Variants in CAPZA1 observed in about 807,000 individuals in gnomAD.
CAPZA1 encodes the protein capping actin protein of muscle Z-line subunit alpha 1, also known as F-actin-capping protein subunit alpha-1.
CAPZA1 carries 10 observed loss-of-function variants against 40.8 expected under a neutral mutation model. The ratio of observed to expected loss-of-function variants is 0.25; its 90% confidence interval spans 0.15 to 0.42. The LOEUF is 0.42. Ranked by LOEUF, CAPZA1 falls within the 10% of genes least tolerant of loss-of-function variation. The pLI is 1.00. For missense variants in CAPZA1, 277 were observed against 353.8 expected (o/e 0.78, Z 1.74); for synonymous variants, 98 against 115.0 (o/e 0.85, Z 0.95).
chr1:112,644,207 T>TTTTTC (rs1491078439), intron 1 of CAPZA1, among the ~76,000 whole-genome samples: 1 of 132,908 alleles, frequency 7.5e-6, no homozygotes, highest in Non-Finnish European at 1.6e-5. Context: ...TTTTTTTTTT[T>TTTTTC]TGAGACAGAG....
At chr1:112,627,790 G>A (rs1301450572) in intron 1 of CAPZA1, among the ~76,000 whole-genome samples, 2 of 151,824 alleles carry the variant, frequency 1.3e-5, no homozygotes, top group Non-Finnish European at 2.9e-5. Flanking sequence ...GAGAAACCCC[G>A]TCTCTACTAA....
intron 7 of CAPZA1, among the ~76,000 whole-genome samples, chr1:112,660,785 A>T (rs1312617973): frequency 6.6e-6 from 1 of 150,458 alleles, no homozygotes; most frequent in Non-Finnish European, 1.5e-5. Context: ...ACCTAATCGT[A>T]CCTGTATTAT....
intron 1 of CAPZA1, among the ~76,000 whole-genome samples, chr1:112,628,256 C>T (rs1670854334): frequency 6.6e-6 from 1 of 152,056 alleles, no homozygotes; most frequent in African/African-American, 2.4e-5. Flanking sequence ...AATAAGCCTC[C>T]CAATAATTAT....
intron 1 of CAPZA1, among the ~76,000 whole-genome samples, chr1:112,629,776 T>C (rs1670885186): frequency 1.3e-5 from 2 of 152,234 alleles, no homozygotes; most frequent in Admixed American, 1.3e-4. Flanking sequence ...CCTTCTCTTT[T>C]ATTCTCTCCA....
chr1:112,628,031 G>A (rs1670850011), intron 1 of CAPZA1, among the ~76,000 whole-genome samples: 1 of 152,112 alleles, frequency 6.6e-6, no homozygotes, highest in Non-Finnish European at 1.5e-5. Flanking sequence ...TTTATGCTGT[G>A]TTATTAAACA....
chr1:112,632,620 A>G (rs1381281307), intron 1 of CAPZA1, among the ~76,000 whole-genome samples: 1 of 152,156 alleles, frequency 6.6e-6, no homozygotes, highest in Non-Finnish European at 1.5e-5. Context: ...GGCCTTAGAG[A>G]GAAGCCTAAA....
intron 1 of CAPZA1, among the ~76,000 whole-genome samples, chr1:112,623,595 C>T (rs976835294): frequency 2.0e-5 from 3 of 150,690 alleles, no homozygotes; most frequent in Middle Eastern, 3.4e-3. Flanking sequence ...GCAGGAGAAT[C>T]GCTGGAACCT....
intron 4 of CAPZA1, among the ~76,000 whole-genome samples, 172 bp from the exon 5 acceptor site, chr1:112,654,292 AT>A: frequency 6.6e-6 from 1 of 152,358 alleles, no homozygotes; most frequent in Middle Eastern, 3.4e-3. Context: ...AAGTTGACTT[AT>A]TCATAAATAC....
chr1:112,622,598 G>A (rs1490705917), intron 1 of CAPZA1, among the ~76,000 whole-genome samples: 2 of 152,158 alleles, frequency 1.3e-5, no homozygotes, highest in Non-Finnish European at 2.9e-5. Flanking sequence ...AAAAAAGTGT[G>A]ACTAGCATAT....
At chr1:112,635,159 A>G (rs927037058) in intron 1 of CAPZA1, among the ~76,000 whole-genome samples, 5 of 152,188 alleles carry the variant, frequency 3.3e-5, no homozygotes, top group Non-Finnish European at 7.3e-5. Context: ...TAAGCATTCA[A>G]ATACACTTTG....
In CAPZA1 at chr1:112,625,507, C is replaced by T. The variant is rs527520590; in HGVS notation, c.39+5624C>T. On this transcript the variant is annotated intron_variant, in intron 1 of 9. Coordinates refer to ENST00000263168, the MANE Select transcript of CAPZA1 (RefSeq NM_006135.3). Reference sequence around the variant, plus strand: ...GATAGAAAGATTAGGACGGAGAAAACAGCACTCACTCTGACAGTATTCTTT... The same window carrying T: ...GATAGAAAGATTAGGACGGAGAAAATAGCACTCACTCTGACAGTATTCTTT... 1.8e-4 allele frequency among the ~76,000 whole-genome samples: 28 copies of T among 152,306 alleles called. 1 individual carries two copies. The South Asian group carries it at 4.8e-3, about 26-fold the overall frequency.
chr1:112,639,923 AGCCCCCCGCCCGGCCAGCCGCCCC>A (rs1245897891), intron 1 of CAPZA1, among the ~76,000 whole-genome samples: 3 of 129,524 alleles, frequency 2.3e-5, no homozygotes, highest in Admixed American at 1.6e-4. Flanking sequence ...TGGGGGGGTC[AGCCCCCCGCCCGGCCAGCCGCCCC>A]GTCCGGGAGG....
At position 112,636,763 on chromosome 1, in the gene CAPZA1, T is replaced by C. The variant is rs370480361; in HGVS notation, c.40-10447T>C. Among the ~76,000 whole-genome samples, 3 of 152,350 alleles carry C rather than the reference T, an allele frequency of 2.0e-5. No homozygotes were observed. In the East Asian group the frequency reaches 5.8e-4, roughly 29 times the overall value. On this transcript the variant is annotated intron_variant, in intron 1 of 9. Coordinates refer to ENST00000263168, the MANE Select transcript of CAPZA1 (RefSeq NM_006135.3). ...TTCACTCTCCCACCCTTGAGAATGA[T>C]TGACTAAATCACTGTTAATGAAAAT...
At chr1:112,652,075 C>T (rs1288198927) in intron 3 of CAPZA1, among the ~76,000 whole-genome samples, 6 of 151,816 alleles carry the variant, frequency 4.0e-5, no homozygotes, top group African/African-American at 9.7e-5. Context: ...AAGCCAAGAT[C>T]GTACCACAGC....
chr1:112,620,644 CT>C (rs1342222033), intron 1 of CAPZA1: 1 of 152,144 alleles, frequency 6.6e-6, no homozygotes, highest in Non-Finnish European at 1.5e-5. Flanking sequence ...CATAATAAAC[CT>C]TATGTTAACA....
At chr1:112,640,490 G>A (rs1465321216) in intron 1 of CAPZA1, among the ~76,000 whole-genome samples, 4 of 131,094 alleles carry the variant, frequency 3.1e-5, no homozygotes, top group South Asian at 2.4e-4. Context: ...GAGGGAGGTG[G>A]GGGGGTCAGC....
At chr1:112,626,423 G>C (rs57646766) in intron 1 of CAPZA1, among the ~76,000 whole-genome samples, 1 of 150,292 alleles carries the variant, frequency 6.7e-6, no homozygotes, top group Non-Finnish European at 1.5e-5. Flanking sequence ...GTGAGATCCC[G>C]GTCTCTACCA....
At chr1:112,626,850 T>C (rs548438062) in intron 1 of CAPZA1, among the ~76,000 whole-genome samples, 21 of 152,208 alleles carry the variant, frequency 1.4e-4, no homozygotes, top group African/African-American at 4.3e-4. Flanking sequence ...AAATGGAACA[T>C]TGATCGAATT....
chr1:112,640,560 CCCCCTGCCCGGCCAGCCG>C (rs1465872487), intron 1 of CAPZA1, among the ~76,000 whole-genome samples: 1 of 144,104 alleles, frequency 6.9e-6, no homozygotes. Flanking sequence ...AAGTGAGGAG[CCCCCTGCCCGGCCAGCCG>C]CCCCATCCGG....
Sources: allele counts gnomAD v4.1 joint callset (sites outside exome capture counted in the v4.1 genomes callset), GRCh38; gene constraint gnomAD v4.1.1; transcripts MANE v1.5; gene names NCBI Gene and HGNC (gene_info 2026-07-23, HGNC 2026-07-21).